Variants in AUTS2 observed in about 807,000 individuals in gnomAD.
The protein encoded by AUTS2 is autism susceptibility gene 2 protein.
A neutral mutation model predicts 112.4 loss-of-function variants in AUTS2; 17 were observed. The observed-to-expected ratio is 0.15, with a 90% CI of 0.10 to 0.23. The LOEUF (loss-of-function observed/expected upper bound fraction) is 0.23, where lower values mean the gene tolerates loss of function less well. AUTS2 is among the 10% of genes least tolerant of loss of function. The pLI, the probability that AUTS2 is intolerant of heterozygous loss-of-function variation, is 1.00. For synonymous variants in AUTS2, 751 were observed against 702.7 expected, an observed-to-expected ratio of 1.07 and a Z score of -1.09; for missense variants, 1,510 against 1,701.6, an observed-to-expected ratio of 0.89 and a Z score of 1.98.
At chr7:69,847,617 T>C (rs1345111805) in intron 1 of AUTS2, among the ~76,000 whole-genome samples, 2 of 152,194 alleles carry the variant, frequency 1.3e-5, no homozygotes, top group Non-Finnish European at 2.9e-5. Flanking sequence ...AAAAGGCCGG[T>C]GCCCCTGGAA....
chr7:69,873,987 GT>G (rs1793616834), intron 1 of AUTS2, among the ~76,000 whole-genome samples: 1 of 152,204 alleles, frequency 6.6e-6, no homozygotes, highest in Non-Finnish European at 1.5e-5. Flanking sequence ...AAGAACAAGT[GT>G]TTTGTTAAGG....
intron 2 of AUTS2, among the ~76,000 whole-genome samples, chr7:70,002,212 G>T (rs1214737607): frequency 6.6e-6 from 1 of 152,170 alleles, no homozygotes; most frequent in African/African-American, 2.4e-5. Context: ...ATAACTTGGG[G>T]ATGTCATAGA....
chr7:70,747,482 G>T lies in AUTS2; in HGVS notation c.743-15388G>T, dbSNP rs150593692. Among the ~76,000 whole-genome samples the T allele has an allele frequency of 1.7e-3, 266 of 152,182 alleles. 1 individual carries two copies. The highest frequency in any genetic ancestry group is 6.0e-3 in the African/African-American group (248 of 41,526). On this transcript the variant is annotated intron_variant, in intron 6 of 18. Transcript: ENST00000342771. ...TCTATTTATTATTTATTTTTGAGAC[G>T]GAGTCTCACTCTGTCGCCCAGGCTA...
At chr7:70,225,780 C>T (rs1455737255) in intron 4 of AUTS2, among the ~76,000 whole-genome samples, 2 of 152,112 alleles carry the variant, frequency 1.3e-5, no homozygotes, top group African/African-American at 2.4e-5. Context: ...ATTTTTTCTG[C>T]TCTTTTTTCT....
At chr7:70,144,544 GT>G (rs1807024980) in intron 4 of AUTS2, among the ~76,000 whole-genome samples, 1 of 152,160 alleles carries the variant, frequency 6.6e-6, no homozygotes, top group Admixed American at 6.6e-5. Flanking sequence ...GTCACAAGTT[GT>G]TTTCGCCTAA....
Position 69,614,370 on chromosome 7 carries a change from T to TCTTTTCTTTCTTTTCTTTCTTTC in AUTS2, c.309+14408_309+14409insCTTTTCTTTCTTTTCTTTCTTTC, listed in dbSNP as rs1322536871. On this transcript the variant is annotated intron_variant, in intron 1 of 18. Transcript: ENST00000342771. The stretch of plus-strand genomic sequence containing the variant: ...TTTCTTTCTTTCTTTCTTTCTTTTT[T>TCTTTTCTTTCTTTTCTTTCTTTC]TAAGAGATGGGATCTCACTCTGTTT... 2.1e-4 allele frequency among the ~76,000 whole-genome samples: 6 copies of TCTTTTCTTTCTTTTCTTTCTTTC among 28,500 alleles called. 1 individual carries two copies. The highest frequency in any genetic ancestry group is 4.6e-4 in the Non-Finnish European group (5 of 10,868). The allele number at this position is 28,500 out of a possible 152,430, so 18.7% of individuals were successfully genotyped here.
intron 2 of AUTS2, among the ~76,000 whole-genome samples, chr7:69,964,693 A>T (rs1436815502): frequency 6.6e-6 from 1 of 151,108 alleles, no homozygotes; most frequent in Non-Finnish European, 1.5e-5. Flanking sequence ...GAGCTTTTGG[A>T]CTTAGGACAA....
chr7:70,285,208 G>A (rs1788402625), intron 4 of AUTS2, among the ~76,000 whole-genome samples: 1 of 152,098 alleles, frequency 6.6e-6, no homozygotes, highest in Non-Finnish European at 1.5e-5. Context: ...GAATAAATTA[G>A]TAAATTCCCA....
intron 1 of AUTS2, among the ~76,000 whole-genome samples, chr7:69,684,780 T>C (rs1796988008): frequency 6.6e-6 from 1 of 152,244 alleles, no homozygotes; most frequent in Non-Finnish European, 1.5e-5. Context: ...AGAGACAATG[T>C]TAGTGTGTCT....
chr7:70,337,925 T>A (rs1791070142), intron 4 of AUTS2, among the ~76,000 whole-genome samples: 1 of 152,240 alleles, frequency 6.6e-6, no homozygotes, highest in Non-Finnish European at 1.5e-5. Flanking sequence ...TGACTCAATT[T>A]AGGCCTTGTT....
In AUTS2 at chr7:70,617,234, G is replaced by A. The variant is rs182486762; in HGVS notation, c.691-81335G>A. On this transcript the variant is annotated intron_variant, in intron 5 of 18. Transcript: ENST00000342771. ...TGCTATCCTTGCAGACACTTACTTC[G>A]CATGCTGCCTGCTCTGCTGATTGAG... 9.2e-5 allele frequency among the ~76,000 whole-genome samples: 14 copies of A among 152,228 alleles called. No homozygotes were observed. In the East Asian group the frequency reaches 2.5e-3, roughly 27 times the overall value.
chr7:69,857,193 T>C (rs1038686169), intron 1 of AUTS2, among the ~76,000 whole-genome samples: 1 of 152,176 alleles, frequency 6.6e-6, no homozygotes, highest in Non-Finnish European at 1.5e-5. Flanking sequence ...CTGCTCCCCC[T>C]AGCTAAGCAG....
At chr7:70,367,553 C>A (rs1481720620) in intron 4 of AUTS2, among the ~76,000 whole-genome samples, 2 of 143,030 alleles carry the variant, frequency 1.4e-5, no homozygotes, top group Non-Finnish European at 3.0e-5. Flanking sequence ...GAGACTCTGT[C>A]TCAAAAAAAA....
chr7:69,906,207 G>C (rs973667526), intron 2 of AUTS2, among the ~76,000 whole-genome samples: 1 of 152,192 alleles, frequency 6.6e-6, no homozygotes, highest in African/African-American at 2.4e-5. Context: ...ATTTGAAACT[G>C]TGTATTTTTG....
At chr7:70,522,231 A>G (rs150087174) in intron 5 of AUTS2, among the ~76,000 whole-genome samples, 1 of 152,356 alleles carries the variant, frequency 6.6e-6, no homozygotes, top group Non-Finnish European at 1.5e-5. Context: ...TGCATCAAAT[A>G]AATTGAAGTG....
intron 5 of AUTS2, among the ~76,000 whole-genome samples, chr7:70,628,449 C>T (rs1351051364): frequency 6.6e-6 from 1 of 151,304 alleles, no homozygotes; most frequent in African/African-American, 2.4e-5. Flanking sequence ...TTACTTTTTC[C>T]TGAAGGTAAT....
At chr7:69,900,111 A>G (rs1463071750) in intron 2 of AUTS2, among the ~76,000 whole-genome samples, 9 of 152,210 alleles carry the variant, frequency 5.9e-5, no homozygotes, top group African/African-American at 1.4e-4. Context: ...TTAGGTTTCA[A>G]TGATCCACAA....
chr7:70,474,144 C>T (rs1005417175), intron 5 of AUTS2, among the ~76,000 whole-genome samples: 3 of 152,204 alleles, frequency 2.0e-5, no homozygotes, highest in African/African-American at 7.2e-5. Flanking sequence ...CCTTTAATTA[C>T]AAATAGGACA....
chr7:69,980,486 G>A (rs62458790), intron 2 of AUTS2, among the ~76,000 whole-genome samples: 5,187 of 152,156 alleles, frequency 0.034, 165 homozygotes, highest in Admixed American at 0.095. Flanking sequence ...TTAGGCCAAG[G>A]TAGATCTGGT....
Sources: allele counts gnomAD v4.1 joint callset (sites outside exome capture counted in the v4.1 genomes callset), GRCh38; gene constraint gnomAD v4.1.1; transcripts MANE v1.5; gene names NCBI Gene and HGNC (gene_info 2026-07-23, HGNC 2026-07-21).